CNOT2: variants seen among roughly 807,000 people sequenced by gnomAD.
CNOT2 encodes CCR4-NOT transcription complex subunit 2.
Under a neutral mutation model 72.1 loss-of-function variants are expected in CNOT2, and 7 were observed. The observed-to-expected ratio is 0.10, with a 90% CI of 0.06 to 0.18. The LOEUF (loss-of-function observed/expected upper bound fraction) is 0.18, where lower values mean the gene tolerates loss of function less well. Ranked by LOEUF, CNOT2 falls within the 10% of genes least tolerant of loss-of-function variation. The pLI is 1.00. For synonymous variants in CNOT2, 196 were observed against 225.6 expected, an observed-to-expected ratio of 0.87 and a Z score of 1.17; for missense variants, 345 against 660.3, an observed-to-expected ratio of 0.52 and a Z score of 5.23.
chr12:70,266,408 C>A (rs1959049099), intron 1 of CNOT2, among the ~76,000 whole-genome samples: 2 of 152,278 alleles, frequency 1.3e-5, no homozygotes, highest in African/African-American at 4.8e-5. Flanking sequence ...CAGGCGTGAG[C>A]CACAGCACCC....
At position 70,354,910 on chromosome 12, in the gene CNOT2, G is replaced by C. The variant is rs1181730242; in HGVS notation, c.*995G>C. On this transcript the variant is annotated 3_prime_UTR_variant, in exon 16 of 16. Coordinates refer to ENST00000229195, the MANE Select transcript of CNOT2 (RefSeq NM_014515.7). ...GCTGTTTGAACAGCAGCGTTTCATA[G>C]GAAGAGAAAAAAAGATCAATCTTGT... 1 of 152,512 alleles carries C rather than the reference G, an allele frequency of 6.6e-6. No homozygotes were observed. Among genetic ancestry groups the C allele is most frequent in the Non-Finnish European group, 1.5e-5 (1 of 68,004 alleles). The allele number at this position is 152,512 out of a possible 1,614,324, so 9.4% of individuals were successfully genotyped here.
At position 70,314,695 on chromosome 12, in the gene CNOT2, A is replaced by G. The variant is rs576706190; in HGVS notation, c.171+3678A>G. Among the ~76,000 whole-genome samples, 36 of 152,334 alleles carry G rather than the reference A, an allele frequency of 2.4e-4. No homozygotes were observed. The South Asian group carries it at 6.8e-3, about 29-fold the overall frequency. ...TTCAAATGTTCCTTATGTAAGCTTAAGAATATTTTAATGAAAATTATTTGA... is the reference window on the plus strand; with the variant it reads ...TTCAAATGTTCCTTATGTAAGCTTAGGAATATTTTAATGAAAATTATTTGA... On this transcript the variant is annotated intron_variant, in intron 3 of 15. Coordinates refer to ENST00000229195, the MANE Select transcript of CNOT2 (RefSeq NM_014515.7).
chr12:70,348,276 C>CTA (rs1001546855), intron 15 of CNOT2, among the ~76,000 whole-genome samples: 2 of 152,286 alleles, frequency 1.3e-5, no homozygotes, highest in Admixed American at 1.3e-4. Context: ...GGTTCTCAAA[C>CTA]TATAGCTTGT....
Position 70,310,945 on chromosome 12 carries a change from C to T in CNOT2, c.99C>T (p.Val33=), listed in dbSNP as rs532301707. The T allele has an allele frequency of 1.3e-5, 21 of 1,609,604 alleles. No homozygotes were observed. Among genetic ancestry groups the T allele is most frequent in the South Asian group, 2.2e-5 (2 of 90,734 alleles). ...CAAGAAAGAAGTTTGTAGAGGGGGT[C>T]GACAGTGACTACCATGACGAAAACA... The part of the protein sequence containing the change: ...GASRKKFVEG[V]DSDYHDENMY... The change falls in exon 3 of 16, where the codon GTC becomes GTT. Residue 33 remains valine (V), a synonymous_variant. Transcript: ENST00000229195.
Position 70,353,872 on chromosome 12 carries a change from T to A in CNOT2, c.1580T>A (p.Leu527Gln). ...GACAAATTAGAAGAACGGCCTCACC[T>A]GCCATCCACCTTCAACTACAACCCT... ...EYDKLEERPH[L>Q]PSTFNYNPAQ... is the part of the protein sequence containing the mutation. The change falls in exon 16 of 16, where the codon CTG becomes CAG. Residue 527 changes from leucine (L) to glutamine (Q), a missense_variant. This residue lies in a region of CNOT2 where 53 missense variants were observed against 153.4 expected (regional missense o/e 0.35). Coordinates refer to ENST00000229195, the MANE Select transcript of CNOT2 (RefSeq NM_014515.7). The A allele has an allele frequency of 6.3e-7, 1 of 1,580,460 alleles. No homozygotes were observed. Among genetic ancestry groups the A allele is most frequent in the South Asian group, 1.1e-5 (1 of 89,632 alleles).
At position 70,286,662 on chromosome 12, in the gene CNOT2, A is replaced by G. The variant is rs1235022617; in HGVS notation, c.48+8388A>G. Among the ~76,000 whole-genome samples the G allele has an allele frequency of 2.0e-5, 3 of 149,816 alleles. No homozygotes were observed. In the East Asian group the frequency reaches 6.1e-4, roughly 30 times the overall value. ...TACTAAAGCTTTGTGTTAAATCTTC[A>G]TGTCTGTCTGTCAACCTTTTTCTTC... On this transcript the variant is annotated intron_variant, in intron 2 of 15. Coordinates refer to ENST00000229195, the MANE Select transcript of CNOT2 (RefSeq NM_014515.7).
chr12:70,245,951 C>T (rs1009667226), intron 1 of CNOT2, among the ~76,000 whole-genome samples: 5 of 152,118 alleles, frequency 3.3e-5, no homozygotes, highest in African/African-American at 1.2e-4. Flanking sequence ...ACCCAGTTCT[C>T]ATTTGTATTC....
At chr12:70,279,137 C>G (rs1349056692) in intron 2 of CNOT2, among the ~76,000 whole-genome samples, 1 of 152,158 alleles carries the variant, frequency 6.6e-6, no homozygotes, top group Non-Finnish European at 1.5e-5. Flanking sequence ...TCAGTTCATT[C>G]CCTCTAGGTT....
At chr12:70,259,080 TTTA>T (rs1958606449) in intron 1 of CNOT2, among the ~76,000 whole-genome samples, 1 of 152,198 alleles carries the variant, frequency 6.6e-6, no homozygotes, top group Non-Finnish European at 1.5e-5. Flanking sequence ...TTTTTCCCAT[TTTA>T]CAGTTGAGTA....
At chr12:70,285,850 A>G (rs1325866757) in intron 2 of CNOT2, among the ~76,000 whole-genome samples, 1 of 152,114 alleles carries the variant, frequency 6.6e-6, no homozygotes, top group Non-Finnish European at 1.5e-5. Context: ...GGTAAGTACA[A>G]TTAGCCAGTT....
At chr12:70,341,178 G>A (rs1487499306) in intron 11 of CNOT2, among the ~76,000 whole-genome samples, 2 of 151,932 alleles carry the variant, frequency 1.3e-5, no homozygotes, top group Non-Finnish European at 2.9e-5. Flanking sequence ...GAGCCACCGC[G>A]CTTGACCAGA....
At position 70,343,718 on chromosome 12, in the gene CNOT2, TAAGAGA is replaced by T. The variant is rs1377592354; in HGVS notation, c.1291-409_1291-404del. 1.6e-3 allele frequency among the ~76,000 whole-genome samples: 237 copies of T among 152,322 alleles called. 3 individuals carry two copies. The highest frequency in any genetic ancestry group is 5.5e-3 in the African/African-American group (227 of 41,586). Reference sequence around the variant, plus strand: ...ATTGTCCACATTTGACAAGTAAAGCTAAGAGATTTTAAATAACTAGGACACAGTCAT... The same window carrying T: ...ATTGTCCACATTTGACAAGTAAAGCTTTTTAAATAACTAGGACACAGTCAT... On this transcript the variant is annotated intron_variant, in intron 13 of 15. Coordinates refer to ENST00000229195, the MANE Select transcript of CNOT2 (RefSeq NM_014515.7).
intron 15 of CNOT2, among the ~76,000 whole-genome samples, chr12:70,350,442 A>T (rs1882729923): frequency 6.6e-6 from 1 of 152,194 alleles, no homozygotes; most frequent in Non-Finnish European, 1.5e-5. Flanking sequence ...TGTATTTAAG[A>T]TAGTTTGCTA....
chr12:70,340,905 T>C (rs1881408411), intron 11 of CNOT2, among the ~76,000 whole-genome samples: 1 of 149,306 alleles, frequency 6.7e-6, no homozygotes, highest in African/African-American at 2.5e-5. Flanking sequence ...TTTTTTTTTT[T>C]TTTTTTTGAG....
intron 8 of CNOT2, chr12:70,336,666 A>G (rs1317515909): frequency 6.6e-6 from 1 of 151,956 alleles, no homozygotes; most frequent in East Asian, 1.9e-4. Context: ...CTGCCCTGGA[A>G]GTTGAGTACC....
At chr12:70,336,908 C>T (rs1386618234) in intron 8 of CNOT2, 1 of 153,716 alleles carries the variant, frequency 6.5e-6, no homozygotes, top group Admixed American at 6.5e-5. Flanking sequence ...ACATCTATAA[C>T]ATGGAGTCCA....
chr12:70,283,930 A>ATTTTTT (rs776119049), intron 2 of CNOT2, among the ~76,000 whole-genome samples: 19 of 117,412 alleles, frequency 1.6e-4, no homozygotes, highest in East Asian at 2.7e-4. Flanking sequence ...CATGATGTAA[A>ATTTTTT]TTTTTTTTTT....
intron 4 of CNOT2, chr12:70,322,745 C>T (rs1878490580): frequency 6.6e-6 from 1 of 151,724 alleles, no homozygotes; most frequent in Non-Finnish European, 1.5e-5. Flanking sequence ...GTGAAAGCTA[C>T]TTGTTTCATA....
At chr12:70,283,665 AAAG>A (rs1463883302) in intron 2 of CNOT2, among the ~76,000 whole-genome samples, 2 of 151,084 alleles carry the variant, frequency 1.3e-5, no homozygotes, top group African/African-American at 4.9e-5. Context: ...AAAAAAAAAA[AAAG>A]GAAAAAAGCC....
Sources: allele counts gnomAD v4.1 joint callset (sites outside exome capture counted in the v4.1 genomes callset), GRCh38; gene constraint gnomAD v4.1.1; regional missense constraint gnomAD v4.1.1; transcripts MANE v1.5; gene names NCBI Gene and HGNC (gene_info 2026-07-23, HGNC 2026-07-21).